VPS13B: variants seen among roughly 807,000 people sequenced by gnomAD.
The protein encoded by VPS13B is vacuolar protein sorting 13 homolog B.
In VPS13B, 285 loss-of-function variants were observed where a neutral mutation model predicts 426.4. That is an observed-to-expected ratio of 0.67 (90% confidence interval 0.61 to 0.74). The LOEUF (loss-of-function observed/expected upper bound fraction) is 0.74, where lower values mean the gene tolerates loss of function less well. VPS13B is among the 30% of genes least tolerant of loss of function. VPS13B has a pLI of 0.00. For synonymous variants in VPS13B, 1,676 were observed against 1,676.4 expected (o/e 1.00, Z 0.01); for missense variants, 4,537 against 4,782.6 (o/e 0.95, Z 1.51).
chr8:99,314,491 A>G (rs1211855191), intron 19 of VPS13B, among the ~76,000 whole-genome samples: 1 of 152,194 alleles, frequency 6.6e-6, no homozygotes, highest in Admixed American at 6.5e-5. Context: ...TTCTGTCTAG[A>G]TGATTTGTCT....
chr8:99,137,795 G>A (rs991684127), intron 12 of VPS13B, among the ~76,000 whole-genome samples: 6 of 152,018 alleles, frequency 3.9e-5, no homozygotes, highest in Non-Finnish European at 5.9e-5. Flanking sequence ...GCATTTTATA[G>A]TCCAAAGTTC....
rs182917947 is a variant in VPS13B, at chr8:99,540,272, G to T, written c.4746-16178G>T. 6.0e-3 allele frequency among the ~76,000 whole-genome samples: 891 copies of T among 149,714 alleles called. 13 individuals carry two copies. The highest frequency in any genetic ancestry group is 0.021 in the African/African-American group (849 of 40,670). On this transcript the variant is annotated intron_variant, in intron 30 of 61. Coordinates refer to ENST00000357162, the MANE Select transcript of VPS13B (RefSeq NM_152564.5). ...TTTTTTGTATTTTTAGTAGAGATGG[G>T]GTTTCACCATGTTAGCCAGGATGGT...
intron 19 of VPS13B, among the ~76,000 whole-genome samples, chr8:99,336,461 C>T (rs1353588340): frequency 2.0e-5 from 3 of 152,120 alleles, no homozygotes; most frequent in Non-Finnish European, 4.4e-5. Context: ...TGGGCAAGGA[C>T]TTCATGTCTA....
intron 17 of VPS13B, among the ~76,000 whole-genome samples, chr8:99,204,941 G>T (rs1814603379): frequency 6.6e-6 from 1 of 152,194 alleles, no homozygotes; most frequent in Non-Finnish European, 1.5e-5. Context: ...GTGGAAGATA[G>T]TGTGGCAATT....
chr8:99,622,629 A>G (rs1226303588), intron 33 of VPS13B, among the ~76,000 whole-genome samples: 1 of 152,218 alleles, frequency 6.6e-6, no homozygotes, highest in African/African-American at 2.4e-5. Context: ...CTGAAATTTT[A>G]TTGCAAAGAT....
rs886041184 is a variant in VPS13B, at chr8:99,766,938, GA to G, written c.7217del (p.Asn2406ThrfsTer26). ...CTTCAGATCTTTGGAGAATTGTCTTGAACAGCAGTCAAAATGGAGCTGATGA... is the reference window on the plus strand; with the variant it reads ...CTTCAGATCTTTGGAGAATTGTCTTGACAGCAGTCAAAATGGAGCTGATGA... Reference protein sequence around the residue: ...VSSDLWRIVLNSSQNGADDQS... With the variant: ...VSSDLWRIVLXSSQNGADDQS... On this transcript the variant is annotated frameshift_variant, in exon 40 of 62. Transcript: ENST00000357162. LOFTEE classifies it high-confidence loss of function. 4.3e-6 allele frequency: 7 copies of G among 1,613,876 alleles called. No homozygotes were observed. Among genetic ancestry groups the G allele is most frequent in the Non-Finnish European group, 5.9e-6 (7 of 1,179,922 alleles).
intron 19 of VPS13B, among the ~76,000 whole-genome samples, chr8:99,349,770 T>C (rs981158357): frequency 6.6e-6 from 1 of 152,114 alleles, no homozygotes; most frequent in Non-Finnish European, 1.5e-5. Flanking sequence ...TTTCTGGTGG[T>C]TAGAGGGGAG....
intron 17 of VPS13B, among the ~76,000 whole-genome samples, chr8:99,257,259 A>G (rs1378869653): frequency 6.6e-6 from 1 of 152,172 alleles, no homozygotes; most frequent in African/African-American, 2.4e-5. Flanking sequence ...AGTTTTGTGC[A>G]GTAGTTCTTT....
intron 28 of VPS13B, among the ~76,000 whole-genome samples, chr8:99,508,071 T>C (rs1309651834): frequency 6.6e-6 from 1 of 152,194 alleles, no homozygotes; most frequent in Admixed American, 6.5e-5. Flanking sequence ...AAACTGCTTT[T>C]CCACTAAAAC....
chr8:99,814,032 T>C (rs1280360680), intron 44 of VPS13B, among the ~76,000 whole-genome samples: 3 of 152,108 alleles, frequency 2.0e-5, no homozygotes, highest in Non-Finnish European at 4.4e-5. Context: ...CCAAGCTACT[T>C]AGGAGGCTGA....
chr8:99,545,784 G>T lies in VPS13B; in HGVS notation c.4746-10666G>T, dbSNP rs189256710. On this transcript the variant is annotated intron_variant, in intron 30 of 61. Transcript: ENST00000357162. ...GAAAGATATTTTCTCTCTACAACTG[G>T]AGGTGATAAACTAATGGATGGTACC... Among the ~76,000 whole-genome samples the T allele has an allele frequency of 3.3e-5, 5 of 152,158 alleles. No individual in the cohort carries two copies. The East Asian group carries it at 9.7e-4, about 29-fold the overall frequency.
intron 35 of VPS13B, chr8:99,697,543 C>T (rs899028392): frequency 2.4e-5 from 17 of 715,696 alleles, no homozygotes; most frequent in South Asian, 9.5e-5. Context: ...TGAAGGAGGA[C>T]GTGCAGGACT....
intron 19 of VPS13B, among the ~76,000 whole-genome samples, chr8:99,281,889 C>A: frequency 6.6e-6 from 1 of 152,114 alleles, no homozygotes; most frequent in African/African-American, 2.4e-5. Context: ...ATGATCTAAT[C>A]AATACATCTG....
intron 19 of VPS13B, among the ~76,000 whole-genome samples, chr8:99,359,975 G>T (rs1812409043): frequency 6.6e-6 from 1 of 151,850 alleles, no homozygotes; most frequent in South Asian, 2.1e-4. Context: ...GCTAACTTTT[G>T]TATTTTTAGT....
intron 19 of VPS13B, 92 bp from the exon 20 acceptor site, chr8:99,384,116 A>ATCCTACATGG: frequency 9.7e-7 from 1 of 1,028,818 alleles, no homozygotes; most frequent in Non-Finnish European, 1.5e-6. Context: ...TTTGTCTGTT[A>ATCCTACATGG]TGTCATAGCT....
At chr8:99,168,881 ATG>A in intron 15 of VPS13B, among the ~76,000 whole-genome samples, 1 of 152,134 alleles carries the variant, frequency 6.6e-6, no homozygotes, top group African/African-American at 2.4e-5. Flanking sequence ...ATTTTAAAAA[ATG>A]TTTTATTTCT....
chr8:99,275,027 C>CAAATTTAAAATAAA, intron 18 of VPS13B, 54 bp from the exon 19 acceptor site: 1 of 1,443,742 alleles, frequency 6.9e-7, no homozygotes, highest in African/African-American at 1.4e-5. Context: ...ATCAAACATT[C>CAAATTTAAAATAAA]TCAAGTGACT....
chr8:99,298,771 C>CA (rs762085787), intron 19 of VPS13B, among the ~76,000 whole-genome samples: 61 of 152,302 alleles, frequency 4.0e-4, no homozygotes, highest in Non-Finnish European at 7.8e-4. Context: ...TAACTTTCTT[C>CA]ATGACTTTGG....
chr8:99,340,192 G>A (rs902888220), intron 19 of VPS13B: 2 of 167,364 alleles, frequency 1.2e-5, no homozygotes, highest in African/African-American at 4.8e-5. Flanking sequence ...TCCCCACGTG[G>A]TGTTGCTTTT....
Sources: gnomAD v4.1 joint callset for allele counts (sites outside exome capture counted in the v4.1 genomes callset) on GRCh38, gnomAD v4.1.1 for gene constraint, MANE v1.5 for transcripts, NCBI Gene and HGNC (gene_info 2026-07-23, HGNC 2026-07-21) for gene names.